The following LRP1B variants were observed in gnomAD, a reference collection of about 807,000 sequenced individuals.
The protein encoded by LRP1B is low-density lipoprotein receptor-related protein 1B.
A neutral mutation model predicts 556.6 loss-of-function variants in LRP1B; 217 were observed. That is an observed-to-expected ratio of 0.39 (90% CI 0.35 to 0.44). The LOEUF is 0.44. Among genes scored for constraint, LRP1B ranks in the 20% least tolerant of loss-of-function variants. The pLI, the probability that LRP1B is intolerant of heterozygous loss-of-function variation, is 1.00. For missense variants in LRP1B, 5,053 were observed against 5,620.8 expected (o/e 0.90, Z 3.23); for synonymous variants, 2,047 against 1,865.8 (o/e 1.10, Z -2.50).
intron 31 of LRP1B, among the ~76,000 whole-genome samples, chr2:140,823,656 G>T (rs948208731): frequency 1.4e-4 from 22 of 151,906 alleles, no homozygotes; most frequent in African/African-American, 5.1e-4. Context: ...CCTATGTCAA[G>T]TGTTTCCTTA....
chr2:141,598,824 A>G (rs1189522659), intron 2 of LRP1B, among the ~76,000 whole-genome samples: 3 of 152,106 alleles, frequency 2.0e-5, no homozygotes, highest in African/African-American at 7.2e-5. Context: ...AGAAAGCTCC[A>G]TGACACAATT....
intron 18 of LRP1B, among the ~76,000 whole-genome samples, chr2:140,975,193 A>T (rs925215439): frequency 6.6e-6 from 1 of 152,142 alleles, no homozygotes; most frequent in Non-Finnish European, 1.5e-5. Context: ...CTGTGGTGAG[A>T]ATGAGAAGTT....
chr2:141,627,878 G>A (rs532396252), intron 2 of LRP1B, among the ~76,000 whole-genome samples: 11 of 152,304 alleles, frequency 7.2e-5, no homozygotes, highest in Non-Finnish European at 1.6e-4. Flanking sequence ...GTCGGGAGTC[G>A]GGGAGGTCAG....
At chr2:141,397,204 G>T (rs1339613811) in intron 3 of LRP1B, among the ~76,000 whole-genome samples, 1 of 146,910 alleles carries the variant, frequency 6.8e-6, no homozygotes, top group African/African-American at 2.5e-5. Context: ...TTTCGTCTTA[G>T]CATGACATAG....
intron 6 of LRP1B, among the ~76,000 whole-genome samples, chr2:141,211,674 C>G (rs549400468): frequency 6.6e-6 from 1 of 151,992 alleles, no homozygotes; most frequent in African/African-American, 2.4e-5. Context: ...TGGCTATGTA[C>G]GGATCATAAA....
intron 43 of LRP1B, among the ~76,000 whole-genome samples, chr2:140,598,090 A>T (rs1242212727): frequency 6.6e-6 from 1 of 152,144 alleles, no homozygotes; most frequent in Non-Finnish European, 1.5e-5. Context: ...TACCTGCTGT[A>T]AGTGCTCTCA....
chr2:142,090,632 TTTA>T (rs1351607580), intron 1 of LRP1B, among the ~76,000 whole-genome samples: 5 of 152,172 alleles, frequency 3.3e-5, no homozygotes, highest in Non-Finnish European at 7.4e-5. Flanking sequence ...GTGTGAATTA[TTTA>T]TATGAATCAT....
At chr2:141,310,169 C>T (rs1686759331) in intron 3 of LRP1B, among the ~76,000 whole-genome samples, 1 of 152,072 alleles carries the variant, frequency 6.6e-6, no homozygotes, top group Admixed American at 6.5e-5. Flanking sequence ...AAAGATTGTA[C>T]AGAAGAAATG....
chr2:140,470,201 A>G lies in LRP1B; in HGVS notation c.9625+4937T>C, dbSNP rs140084283. On this transcript the variant is annotated intron_variant, in intron 60 of 90. Transcript: ENST00000389484. ...CAAGTGTTCAACTTTGAAATATGTTAATAATCTTTATGATAACACTCAGGA... is the reference window on the plus strand; with the variant it reads ...CAAGTGTTCAACTTTGAAATATGTTGATAATCTTTATGATAACACTCAGGA... Among the ~76,000 whole-genome samples, 240 of 152,308 alleles carry G rather than the reference A, an allele frequency of 1.6e-3. 1 individual carries two copies. The highest frequency in any genetic ancestry group is 5.3e-3 in the African/African-American group (222 of 41,576).
chr2:141,151,232 A>G (rs1558895096), intron 7 of LRP1B, among the ~76,000 whole-genome samples: 1 of 152,114 alleles, frequency 6.6e-6, no homozygotes, highest in Non-Finnish European at 1.5e-5. Context: ...TTCTGTTTCA[A>G]TGCATGCTTT....
At chr2:140,525,675 G>T (rs1400680587) in intron 49 of LRP1B, among the ~76,000 whole-genome samples, 169 bp downstream of exon 49, 1 of 151,936 alleles carries the variant, frequency 6.6e-6, no homozygotes, top group Non-Finnish European at 1.5e-5. Context: ...CACTTAAAAA[G>T]ATCAAGCGGT....
chr2:140,548,616 C>T (rs1041193733), intron 43 of LRP1B, among the ~76,000 whole-genome samples: 3 of 151,906 alleles, frequency 2.0e-5, no homozygotes, highest in Non-Finnish European at 4.4e-5. Flanking sequence ...CATCTCTCTC[C>T]CTCATCCTCT....
chr2:141,536,238 C>T (rs1177244776), intron 2 of LRP1B, among the ~76,000 whole-genome samples: 1 of 152,032 alleles, frequency 6.6e-6, no homozygotes, highest in African/African-American at 2.4e-5. Flanking sequence ...ATTGTATAAC[C>T]TGAGCATTGA....
intron 23 of LRP1B, among the ~76,000 whole-genome samples, chr2:140,891,590 T>G (rs188670645): frequency 6.6e-6 from 1 of 152,286 alleles, no homozygotes; most frequent in East Asian, 1.9e-4. Context: ...CAGTAGCAAC[T>G]TATGAAGTGG....
chr2:141,337,596 T>C (rs2683860), intron 3 of LRP1B, among the ~76,000 whole-genome samples: 89,851 of 152,062 alleles, frequency 0.59, 27,443 homozygotes, highest in African/African-American at 0.68. Context: ...AGTTTTTTCT[T>C]TAATAGATCG....
At chr2:140,846,767 G>A (rs1410382614) in intron 29 of LRP1B, among the ~76,000 whole-genome samples, 1 of 152,088 alleles carries the variant, frequency 6.6e-6, no homozygotes, top group Non-Finnish European at 1.5e-5. Flanking sequence ...AGTGCAAGAA[G>A]AGAAAGGTTT....
intron 35 of LRP1B, among the ~76,000 whole-genome samples, chr2:140,766,859 T>TATATATATATATAATATATATATATA (rs1689137196): frequency 1.4e-4 from 7 of 50,172 alleles, no homozygotes; most frequent in Non-Finnish European, 2.8e-4. Flanking sequence ...TATATATATA[T>TATATATATATATAATATATATATATA]ATATATAATA....
At chr2:141,125,476 C>T (rs1267255175) in intron 7 of LRP1B, among the ~76,000 whole-genome samples, 9 of 152,206 alleles carry the variant, frequency 5.9e-5, no homozygotes, top group African/African-American at 2.2e-4. Flanking sequence ...TTTTAATAAT[C>T]ATGGCTGATG....
At position 141,804,263 on chromosome 2, in the gene LRP1B, A is replaced by C. The variant is rs182875390; in HGVS notation, c.205+6016T>G. 5.3e-3 allele frequency among the ~76,000 whole-genome samples: 806 copies of C among 152,238 alleles called. 8 individuals are homozygous for C. Among genetic ancestry groups the C allele is most frequent in the African/African-American group, 0.019 (778 of 41,564 alleles). On this transcript the variant is annotated intron_variant, in intron 2 of 90. Coordinates refer to ENST00000389484, the MANE Select transcript of LRP1B (RefSeq NM_018557.3). Reference sequence around the variant, plus strand: ...TACTCTGCTTTCCCTAACAAGAGCTAACATAGAAGGGGAGAGAAGGATTAT... The same window carrying C: ...TACTCTGCTTTCCCTAACAAGAGCTCACATAGAAGGGGAGAGAAGGATTAT...
Sources: gnomAD v4.1 joint callset for allele counts (sites outside exome capture counted in the v4.1 genomes callset) on GRCh38, gnomAD v4.1.1 for gene constraint, MANE v1.5 for transcripts, NCBI Gene and HGNC (gene_info 2026-07-23, HGNC 2026-07-21) for gene names.